The following EPG5 variants were observed in gnomAD, a reference collection of about 807,000 sequenced individuals.
EPG5 encodes the protein ectopic P granules protein 5 homolog.
A neutral mutation model predicts 302.7 loss-of-function variants in EPG5; 159 were observed. The observed-to-expected ratio is 0.53, with a 90% confidence interval of 0.46 to 0.60. The LOEUF is 0.60. EPG5 is among the 20% of genes least tolerant of loss of function. The pLI is 0.00. For synonymous variants in EPG5, 1,158 were observed against 1,136.8 expected (o/e 1.02, Z -0.37); for missense variants, 2,896 against 3,092.4 (o/e 0.94, Z 1.51).
rs185650562 is a variant in EPG5, at chr18:45,866,364, G to A, written c.6621+434C>T. Among the ~76,000 whole-genome samples, 800 of 152,076 alleles carry A rather than the reference G, an allele frequency of 5.3e-3. 4 individuals carry two copies. Among genetic ancestry groups the A allele is most frequent in the Middle Eastern group, 0.024 (7 of 294 alleles). ...TCGAACTCCTGACCTCAGGTGATCCGCCCACCTTGGCCTCCTAAAGTGCTG... is the reference window on the plus strand; with the variant it reads ...TCGAACTCCTGACCTCAGGTGATCCACCCACCTTGGCCTCCTAAAGTGCTG... On this transcript the variant is annotated intron_variant, in intron 38 of 43. Transcript: ENST00000282041.
At chr18:45,893,909 G>A (rs8089685) in intron 27 of EPG5, among the ~76,000 whole-genome samples, 87,279 of 151,844 alleles carry the variant, frequency 0.57, 25,496 homozygotes, top group Non-Finnish European at 0.64. Context: ...ATTCCCCAAA[G>A]TAGTTAAAAT....
At chr18:45,919,588 C>T (rs2050109017) in intron 16 of EPG5, among the ~76,000 whole-genome samples, 1 of 151,444 alleles carries the variant, frequency 6.6e-6, no homozygotes, top group Non-Finnish European at 1.5e-5. Context: ...TCTCGGCTCA[C>T]TGCAAGCTCC....
intron 31 of EPG5, among the ~76,000 whole-genome samples, chr18:45,881,184 T>G (rs1382015129): frequency 6.6e-6 from 1 of 152,252 alleles, no homozygotes; most frequent in Non-Finnish European, 1.5e-5. Context: ...CTGAATTACT[T>G]TTCTTGGTAA....
chr18:45,954,769 T>C lies in EPG5; in HGVS notation c.633A>G (p.Arg211=). The C allele has an allele frequency of 1.9e-6, 3 of 1,613,924 alleles. No individual in the cohort carries two copies. The highest frequency in any genetic ancestry group is 2.5e-6 in the Non-Finnish European group (3 of 1,179,950). ...CPAKHGFQTP[R]VKKLYPQLPA... is the part of the protein sequence containing the mutation. ...GCAACTGGGGATACAGTTTCTTCAC[T>C]CTAGGTGTCTGAAAACCATGTTTGG... The change falls in exon 2 of 44, where the codon AGA becomes AGG. Residue 211 remains arginine (R), a synonymous_variant. Coordinates refer to ENST00000282041, the MANE Select transcript of EPG5 (RefSeq NM_020964.3).
intron 13 of EPG5, among the ~76,000 whole-genome samples, chr18:45,928,474 C>T (rs2050326411): frequency 6.6e-6 from 1 of 152,186 alleles, no homozygotes; most frequent in Non-Finnish European, 1.5e-5. Context: ...TTACTACATA[C>T]TATTTATTTT....
the EPG5 span, among the ~76,000 whole-genome samples, chr18:45,824,740 G>C: frequency 6.6e-6 from 1 of 152,094 alleles, no homozygotes; most frequent in South Asian, 2.1e-4. Flanking sequence ...CACATTTCTA[G>C]CTCAGCTTTC....
the EPG5 span, among the ~76,000 whole-genome samples, chr18:45,824,187 T>A: frequency 6.6e-6 from 1 of 152,146 alleles, no homozygotes; most frequent in African/African-American, 2.4e-5. Context: ...AAGGGCCTCC[T>A]GTGTCGATCT....
chr18:45,905,970 A>G (rs1369712722), intron 24 of EPG5, among the ~76,000 whole-genome samples: 1 of 152,160 alleles, frequency 6.6e-6, no homozygotes, highest in Admixed American at 6.5e-5. Context: ...CTCTGGCCCT[A>G]TACTCTCAGT....
chr18:45,814,899 A>G, the EPG5 span, among the ~76,000 whole-genome samples: 27 of 152,372 alleles, frequency 1.8e-4, no homozygotes, highest in African/African-American at 6.3e-4. Flanking sequence ...GCTTTGACCC[A>G]GCTTCTGCTA....
In EPG5 at chr18:45,903,967, A is replaced by T; in HGVS notation, c.4474+6T>A. ...ATTCGAAGGGGCAGGTGCTCCCAGG[A>T]CCCACCCAGCAAAGGATCAGTGAAG... On this transcript the variant is annotated splice_donor_region_variant and intron_variant, in intron 25 of 43. Coordinates refer to ENST00000282041, the MANE Select transcript of EPG5 (RefSeq NM_020964.3). The T allele has an allele frequency of 6.2e-7, 1 of 1,604,608 alleles. No homozygotes were observed. The highest frequency in any genetic ancestry group is 8.5e-7 in the Non-Finnish European group (1 of 1,177,982).
the EPG5 span, among the ~76,000 whole-genome samples, chr18:45,802,459 G>A: frequency 1.3e-5 from 2 of 152,174 alleles, no homozygotes; most frequent in African/African-American, 4.8e-5. Context: ...GGTAGAGATT[G>A]CAGTGAGCTG....
chr18:45,958,023 G>T (rs970997075), intron 1 of EPG5, among the ~76,000 whole-genome samples: 1 of 152,136 alleles, frequency 6.6e-6, no homozygotes, highest in African/African-American at 2.4e-5. Flanking sequence ...GGTCAGTATG[G>T]CAGAGGCCAA....
At chr18:45,875,198 T>G (rs774021936) in intron 35 of EPG5, among the ~76,000 whole-genome samples, 1 of 152,208 alleles carries the variant, frequency 6.6e-6, no homozygotes, top group Admixed American at 6.5e-5. Flanking sequence ...ACCCTCAGCC[T>G]AGGCCTTATG....
chr18:45,953,343 CAT>C (rs1481694678), intron 2 of EPG5: 1 of 985,216 alleles, frequency 1.0e-6, no homozygotes, highest in African/African-American at 1.7e-5. Context: ...CATCATTCTT[CAT>C]AGTTCTACTC....
In EPG5 at chr18:45,965,308, G is replaced by T. The variant is rs139318162; in HGVS notation, c.63+1869C>A. The stretch of plus-strand genomic sequence containing the variant: ...ACCAGGGCCTACTTGAGGGCAGAAG[G>T]TGGGAAGAAGGGAAGGATAAAAAAA... On this transcript the variant is annotated intron_variant, in intron 1 of 43. Transcript: ENST00000282041. Among the ~76,000 whole-genome samples, 1,063 of 152,258 alleles carry T rather than the reference G, an allele frequency of 7.0e-3. 11 individuals are homozygous for T. Among genetic ancestry groups the T allele is most frequent in the African/African-American group, 0.024 (999 of 41,530 alleles).
At chr18:45,801,047 G>GT in the EPG5 span, among the ~76,000 whole-genome samples, 33 of 151,854 alleles carry the variant, frequency 2.2e-4, no homozygotes, top group Admixed American at 1.2e-3. Flanking sequence ...TTGTTTTTCG[G>GT]TTTTTTTGAG....
intron 35 of EPG5, among the ~76,000 whole-genome samples, chr18:45,874,255 T>G: frequency 6.6e-6 from 1 of 152,258 alleles, no homozygotes; most frequent in South Asian, 2.1e-4. Context: ...TGTGCATGTG[T>G]GGGGGCAGAA....
rs1237223405 is a variant in EPG5, at chr18:45,865,771, A to G, written c.6622-12T>C. Reference sequence around the variant, plus strand: ...TTTGGAACTGCATCCTGACCAAAAAAAAAAAAAAAAATCATTCAAATGAAT... The same window carrying G: ...TTTGGAACTGCATCCTGACCAAAAAGAAAAAAAAAAATCATTCAAATGAAT... On this transcript the variant is annotated splice_polypyrimidine_tract_variant and intron_variant, in intron 38 of 43. Transcript: ENST00000282041. 1 of 1,592,722 alleles carries G rather than the reference A, an allele frequency of 6.3e-7. No individual in the cohort carries two copies. Among genetic ancestry groups the G allele is most frequent in the Admixed American group, 1.8e-5 (1 of 54,754 alleles).
chr18:45,887,726 A>C, intron 29 of EPG5, 25 bp downstream of exon 29: 3 of 1,499,264 alleles, frequency 2.0e-6, no homozygotes, highest in Non-Finnish European at 2.7e-6. Context: ...TATCTGATCA[A>C]GGCAAAAGGT....
Sources: allele counts gnomAD v4.1 joint callset (sites outside exome capture counted in the v4.1 genomes callset), GRCh38; gene constraint gnomAD v4.1.1; transcripts MANE v1.5; gene names NCBI Gene and HGNC (gene_info 2026-07-23, HGNC 2026-07-21).